The following SEPTIN14 variants were observed in gnomAD, a reference collection of about 807,000 sequenced individuals.
SEPTIN14 encodes septin-14.
SEPTIN14 carries 40 observed loss-of-function variants against 53.6 expected under a neutral mutation model. That is an observed-to-expected ratio of 0.75 (90% confidence interval 0.58 to 0.97). The LOEUF (loss-of-function observed/expected upper bound fraction) is 0.97. Among genes scored for constraint, SEPTIN14 ranks in the 50% least tolerant of loss-of-function variants. SEPTIN14 has a pLI of 0.00. For synonymous variants in SEPTIN14, 138 were observed against 166.8 expected, an observed-to-expected ratio of 0.83 and a Z score of 1.33; for missense variants, 471 against 508.2, an observed-to-expected ratio of 0.93 and a Z score of 0.70.
intron 7 of SEPTIN14, among the ~76,000 whole-genome samples, chr7:55,809,911 C>A (rs1299940062): frequency 4.1e-5 from 6 of 147,718 alleles, no homozygotes; most frequent in Admixed American, 6.9e-5. Context: ...CGGCTCACTG[C>A]AAGCTCTGCC....
At chr7:55,844,222 G>A (rs1015197797) in intron 4 of SEPTIN14, among the ~76,000 whole-genome samples, 1 of 152,106 alleles carries the variant, frequency 6.6e-6, no homozygotes, top group Non-Finnish European at 1.5e-5. Flanking sequence ...TGGTGGGAAT[G>A]TAAATTAGTA....
chr7:55,800,250 C>T (rs1788503285), intron 9 of SEPTIN14, among the ~76,000 whole-genome samples: 1 of 152,158 alleles, frequency 6.6e-6, no homozygotes, highest in Admixed American at 6.6e-5. Context: ...ACTGGAGGAC[C>T]TCACGTTAAG....
At chr7:55,814,867 G>T (rs1263837317) in intron 7 of SEPTIN14, among the ~76,000 whole-genome samples, 2 of 152,112 alleles carry the variant, frequency 1.3e-5, no homozygotes, top group Non-Finnish European at 2.9e-5. Context: ...AACACTGGAG[G>T]AATCGCATTA....
chr7:55,851,332 C>T (rs1292251731), intron 2 of SEPTIN14, among the ~76,000 whole-genome samples: 2 of 152,112 alleles, frequency 1.3e-5, no homozygotes, highest in Admixed American at 1.3e-4. Flanking sequence ...CATCCCTCAG[C>T]CCTGGCAACC....
At chr7:55,822,829 A>G (rs1256914906) in intron 6 of SEPTIN14, among the ~76,000 whole-genome samples, 2 of 145,556 alleles carry the variant, frequency 1.4e-5, no homozygotes, top group Non-Finnish European at 3.0e-5. Flanking sequence ...AGAGAAAGGG[A>G]GTCAGGCTGG....
chr7:55,862,326 G>A (rs1034516686), intron 1 of SEPTIN14, among the ~76,000 whole-genome samples: 6 of 151,904 alleles, frequency 3.9e-5, no homozygotes, highest in Non-Finnish European at 7.4e-5. Flanking sequence ...CTCCATGGTC[G>A]TAAGAAAGGA....
At chr7:55,807,667 G>C (rs2115966852) in intron 7 of SEPTIN14, among the ~76,000 whole-genome samples, 1 of 152,014 alleles carries the variant, frequency 6.6e-6, no homozygotes, top group African/African-American at 2.4e-5. Context: ...CTAGCAAAAA[G>C]GCCTTACAAT....
At chr7:55,847,041 C>A (rs1311639189) in intron 2 of SEPTIN14, among the ~76,000 whole-genome samples, 1 of 152,038 alleles carries the variant, frequency 6.6e-6, no homozygotes, top group South Asian at 2.1e-4. Context: ...CAAAATTAGC[C>A]GGGCATGCTT....
At chr7:55,812,755 A>C (rs1788723090) in intron 7 of SEPTIN14, among the ~76,000 whole-genome samples, 2 of 152,118 alleles carry the variant, frequency 1.3e-5, no homozygotes, top group African/African-American at 4.8e-5. Context: ...ACTGACGATT[A>C]TAGTAAAGAG....
intron 2 of SEPTIN14, among the ~76,000 whole-genome samples, chr7:55,861,218 C>T (rs1789743682): frequency 6.6e-6 from 1 of 152,194 alleles, no homozygotes; most frequent in South Asian, 2.1e-4. Flanking sequence ...CAATGACAGG[C>T]CAGGCGCAGT....
chr7:55,856,034 T>C (rs1359327418), intron 2 of SEPTIN14, among the ~76,000 whole-genome samples: 1 of 152,174 alleles, frequency 6.6e-6, no homozygotes, highest in African/African-American at 2.4e-5. Flanking sequence ...AGAGAGTACA[T>C]TTGCAGGTTT....
chr7:55,848,566 G>A (rs1789463175), intron 2 of SEPTIN14, among the ~76,000 whole-genome samples: 1 of 151,566 alleles, frequency 6.6e-6, no homozygotes, highest in South Asian at 2.1e-4. Flanking sequence ...AAAGGGCTGG[G>A]ATTACAAGCT....
chr7:55,796,615 T>G (rs1788436410), intron 9 of SEPTIN14, among the ~76,000 whole-genome samples: 1 of 151,912 alleles, frequency 6.6e-6, no homozygotes, highest in Non-Finnish European at 1.5e-5. Context: ...CACCTCAGCT[T>G]CCCAAAGTGC....
chr7:55,840,966 C>CT (rs547664035), intron 5 of SEPTIN14, among the ~76,000 whole-genome samples: 271 of 152,260 alleles, frequency 1.8e-3, no homozygotes, highest in Non-Finnish European at 2.2e-3. Flanking sequence ...GTGGCGCAAT[C>CT]TCGGCTCACT....
At chr7:55,823,299 C>G (rs1012979125) in intron 6 of SEPTIN14, among the ~76,000 whole-genome samples, 1 of 152,104 alleles carries the variant, frequency 6.6e-6, no homozygotes, top group Non-Finnish European at 1.5e-5. Flanking sequence ...ACTCACAAAC[C>G]AATCAGCATG....
intron 6 of SEPTIN14, among the ~76,000 whole-genome samples, chr7:55,821,233 A>C (rs1788888900): frequency 6.6e-6 from 1 of 152,064 alleles, no homozygotes; most frequent in African/African-American, 2.4e-5. Flanking sequence ...GGGGGCCCTG[A>C]CCATCCTTGC....
intron 7 of SEPTIN14, among the ~76,000 whole-genome samples, chr7:55,808,944 T>C (rs775852993): frequency 1.6e-4 from 24 of 152,178 alleles, no homozygotes; most frequent in Non-Finnish European, 2.9e-4. Flanking sequence ...TATTGTTCTA[T>C]CATAAAGACA....
At chr7:55,847,100 C>T (rs1434645166) in intron 2 of SEPTIN14, among the ~76,000 whole-genome samples, 3 of 151,966 alleles carry the variant, frequency 2.0e-5, no homozygotes, top group Admixed American at 2.0e-4. Context: ...CCCAGTTACT[C>T]AGGAGGCTGA....
chr7:55,858,133 C>T (rs1269745331), intron 2 of SEPTIN14, among the ~76,000 whole-genome samples: 2 of 152,134 alleles, frequency 1.3e-5, no homozygotes, highest in African/African-American at 2.4e-5. Context: ...TCTCTTAGGG[C>T]GCTGGTGAAA....
Sources: gnomAD v4.1 joint callset for allele counts (sites outside exome capture counted in the v4.1 genomes callset) on GRCh38, gnomAD v4.1.1 for gene constraint, MANE v1.5 for transcripts, NCBI Gene and HGNC (gene_info 2026-07-23, HGNC 2026-07-21) for gene names.